CDC42SE2: variants seen among roughly 807,000 people sequenced by gnomAD.
The protein encoded by CDC42SE2 is CDC42 small effector 2.
CDC42SE2 carries 3 observed loss-of-function variants against 11.5 expected under a neutral mutation model. That is an observed-to-expected ratio of 0.26 (90% confidence interval 0.12 to 0.67). The LOEUF (loss-of-function observed/expected upper bound fraction) is 0.67, where lower values mean the gene tolerates loss of function less well. CDC42SE2 is among the 30% of genes least tolerant of loss of function. The probability of loss-of-function intolerance (pLI) is 0.80; values close to 1 mark genes in which losing one functional copy is unlikely to be tolerated. For missense variants in CDC42SE2, 82 were observed against 106.8 expected, an observed-to-expected ratio of 0.77 and a Z score of 1.02; for synonymous variants, 33 against 34.8, an observed-to-expected ratio of 0.95 and a Z score of 0.18.
chr5:131,319,111 A>C (rs1408420513), intron 2 of CDC42SE2, among the ~76,000 whole-genome samples: 2 of 151,822 alleles, frequency 1.3e-5, no homozygotes, highest in South Asian at 4.2e-4. Flanking sequence ...CACCATGTTG[A>C]CCAGGCTGGT....
intron 2 of CDC42SE2, among the ~76,000 whole-genome samples, chr5:131,322,071 C>T (rs915452579): frequency 3.9e-5 from 6 of 152,068 alleles, no homozygotes; most frequent in South Asian, 2.1e-4. Context: ...AGGATGGTCT[C>T]GATCTCCTGA....
chr5:131,294,496 T>C lies in CDC42SE2; in HGVS notation c.-454-21480T>C, dbSNP rs76541912. 7.7e-3 allele frequency among the ~76,000 whole-genome samples: 1,179 copies of C among 152,262 alleles called. 8 individuals carry two copies. Among genetic ancestry groups the C allele is most frequent in the Non-Finnish European group, 0.011 (779 of 68,020 alleles). On this transcript the variant is annotated intron_variant, in intron 1 of 4. Coordinates refer to ENST00000505065, the MANE Select transcript of CDC42SE2 (RefSeq NM_001375635.1). ...AGTTTCGAATGAAAGAGACAAAAGTTCTTGTGTTTATGGAGCCCTACATTC... is the reference window on the plus strand; with the variant it reads ...AGTTTCGAATGAAAGAGACAAAAGTCCTTGTGTTTATGGAGCCCTACATTC...
At chr5:131,271,078 A>T (rs1237883878) in intron 1 of CDC42SE2, among the ~76,000 whole-genome samples, 1 of 152,156 alleles carries the variant, frequency 6.6e-6, no homozygotes, top group East Asian at 1.9e-4. Flanking sequence ...TGAGGATTCT[A>T]TGTCTAGGAA....
intron 1 of CDC42SE2, among the ~76,000 whole-genome samples, chr5:131,250,868 C>T (rs890463632): frequency 6.6e-6 from 1 of 152,014 alleles, no homozygotes; most frequent in Admixed American, 6.6e-5. Context: ...AGCAAGATCC[C>T]AGGGTCTCTT....
intron 1 of CDC42SE2, among the ~76,000 whole-genome samples, chr5:131,292,916 A>AC (rs1757490596): frequency 6.8e-6 from 1 of 147,442 alleles, no homozygotes; most frequent in African/African-American, 2.6e-5. Context: ...CAAAAAAAAA[A>AC]AAAAAAAAAA....
chr5:131,355,265 A>T (rs530321086), intron 2 of CDC42SE2, among the ~76,000 whole-genome samples: 1 of 152,214 alleles, frequency 6.6e-6, no homozygotes, highest in East Asian at 1.9e-4. Context: ...TTTTATAACT[A>T]AGAAAACTGA....
the CDC42SE2 span, among the ~76,000 whole-genome samples, chr5:131,230,032 C>A: frequency 1.3e-5 from 2 of 152,174 alleles, no homozygotes; most frequent in African/African-American, 4.8e-5. Context: ...AATATCCTTT[C>A]TTTTCATTTA....
chr5:131,335,461 G>T (rs942039307), intron 2 of CDC42SE2, among the ~76,000 whole-genome samples: 1 of 152,188 alleles, frequency 6.6e-6, no homozygotes, highest in African/African-American at 2.4e-5. Flanking sequence ...GGGGTGGAGA[G>T]TTCTGTAGAT....
intron 2 of CDC42SE2, among the ~76,000 whole-genome samples, chr5:131,316,823 T>G (rs1055517594): frequency 6.6e-6 from 1 of 152,134 alleles, no homozygotes; most frequent in Non-Finnish European, 1.5e-5. Context: ...GTTTAAGCAG[T>G]TTTGCCTTGA....
At chr5:131,268,106 A>C (rs1301097548) in intron 1 of CDC42SE2, among the ~76,000 whole-genome samples, 1 of 103,998 alleles carries the variant, frequency 9.6e-6, no homozygotes, top group Non-Finnish European at 1.8e-5. Context: ...CTTTGCCCCC[A>C]GGCTGGAGTG....
At chr5:131,359,721 G>A (rs1749653595) in intron 3 of CDC42SE2, among the ~76,000 whole-genome samples, 174 bp downstream of exon 3, 1 of 152,186 alleles carries the variant, frequency 6.6e-6, no homozygotes. Context: ...TGTTTTTAAA[G>A]TAAATACTGT....
intron 2 of CDC42SE2, among the ~76,000 whole-genome samples, chr5:131,338,824 A>C (rs1322677270): frequency 1.3e-5 from 2 of 152,228 alleles, no homozygotes; most frequent in Non-Finnish European, 2.9e-5. Context: ...ACCAGTGTGC[A>C]GTATGAACAT....
intron 2 of CDC42SE2, among the ~76,000 whole-genome samples, chr5:131,326,751 A>G (rs1758309182): frequency 6.6e-6 from 1 of 151,738 alleles, no homozygotes; most frequent in African/African-American, 2.4e-5. Context: ...GATATTTTTT[A>G]CCTTAAATTT....
intron 3 of CDC42SE2, among the ~76,000 whole-genome samples, chr5:131,365,757 C>T (rs919238267): frequency 1.6e-4 from 25 of 152,196 alleles, no homozygotes; most frequent in East Asian, 1.4e-3. Context: ...CCAAGGCGGG[C>T]GGATCACGAG....
At chr5:131,327,528 T>A (rs1258563442) in intron 2 of CDC42SE2, among the ~76,000 whole-genome samples, 1 of 152,196 alleles carries the variant, frequency 6.6e-6, no homozygotes, top group Non-Finnish European at 1.5e-5. Context: ...AAAATATTTT[T>A]GTCTTAACAT....
intron 1 of CDC42SE2, among the ~76,000 whole-genome samples, chr5:131,312,712 G>A (rs894724385): frequency 6.6e-6 from 1 of 152,306 alleles, no homozygotes; most frequent in African/African-American, 2.4e-5. Flanking sequence ...TCCAGGTGCC[G>A]TCCGTCACCC....
At chr5:131,255,026 G>A (rs1756669884) in intron 1 of CDC42SE2, 1 of 152,076 alleles carries the variant, frequency 6.6e-6, no homozygotes, top group Non-Finnish European at 1.5e-5. Context: ...TGCCAGAATG[G>A]GAAATATGTG....
chr5:131,296,107 C>G (rs933118728), intron 1 of CDC42SE2, among the ~76,000 whole-genome samples: 3 of 152,142 alleles, frequency 2.0e-5, no homozygotes, highest in African/African-American at 7.2e-5. Flanking sequence ...TTTTATTAAA[C>G]TTGGTGGCCT....
intron 3 of CDC42SE2, among the ~76,000 whole-genome samples, chr5:131,371,233 G>C (rs1750005581): frequency 6.6e-6 from 1 of 151,992 alleles, no homozygotes; most frequent in African/African-American, 2.4e-5. Flanking sequence ...AAACCATTCA[G>C]TTTTCATCCT....
Sources: gnomAD v4.1 joint callset for allele counts (sites outside exome capture counted in the v4.1 genomes callset) on GRCh38, gnomAD v4.1.1 for gene constraint, MANE v1.5 for transcripts, NCBI Gene and HGNC (gene_info 2026-07-23, HGNC 2026-07-21) for gene names.